ABLIM2: variants seen among roughly 807,000 people sequenced by gnomAD.
ABLIM2 encodes the protein actin binding LIM protein family member 2.
A neutral mutation model predicts 97.7 loss-of-function variants in ABLIM2; 53 were observed. The ratio of observed to expected loss-of-function variants is 0.54; its 90% CI spans 0.44 to 0.68. The LOEUF (loss-of-function observed/expected upper bound fraction) is 0.68. ABLIM2 is among the 30% of genes least tolerant of loss of function. The probability of loss-of-function intolerance (pLI) is 0.00; values close to 1 mark genes in which losing one functional copy is unlikely to be tolerated. For missense variants in ABLIM2, 835 were observed against 867.2 expected, an observed-to-expected ratio of 0.96 and a Z score of 0.47; for synonymous variants, 361 against 345.8, an observed-to-expected ratio of 1.04 and a Z score of -0.49.
intron 20 of ABLIM2, among the ~76,000 whole-genome samples, chr4:7,980,983 G>A (rs997210346): frequency 9.6e-5 from 9 of 94,018 alleles, no homozygotes; most frequent in Non-Finnish European, 1.7e-4. Flanking sequence ...TTGCTCTGTC[G>A]CCCAGGCCGG....
chr4:8,109,080 G>A (rs1163946785), intron 1 of ABLIM2, among the ~76,000 whole-genome samples: 4 of 152,250 alleles, frequency 2.6e-5, no homozygotes, highest in Non-Finnish European at 4.4e-5. Flanking sequence ...AGCTCATCCC[G>A]TGGAAGGAAG....
chr4:8,152,772 C>A (rs1462541436), intron 1 of ABLIM2, among the ~76,000 whole-genome samples: 1 of 152,194 alleles, frequency 6.6e-6, no homozygotes, highest in South Asian at 2.1e-4. Flanking sequence ...ATTTTAACAA[C>A]CTCTGTGAGC....
At chr4:8,008,308 C>A in intron 15 of ABLIM2, 108 bp from the exon 16 acceptor site, 1 of 1,105,194 alleles carries the variant, frequency 9.0e-7, no homozygotes, top group Non-Finnish European at 1.3e-6. Flanking sequence ...ACGAGCTGAC[C>A]CCACTGTGAG....
chr4:7,988,896 A>T (rs927190458), intron 17 of ABLIM2, among the ~76,000 whole-genome samples: 6 of 152,190 alleles, frequency 3.9e-5, no homozygotes, highest in African/African-American at 1.4e-4. Context: ...AAACTTTTAA[A>T]ATTTGTTAAT....
intron 14 of ABLIM2, among the ~76,000 whole-genome samples, chr4:8,014,484 A>ATG (rs143407302): frequency 3.4e-4 from 52 of 151,724 alleles, no homozygotes; most frequent in Admixed American, 2.2e-3. Context: ...GAGGGAGAGA[A>ATG]TGTGTGTGTG....
intron 11 of ABLIM2, among the ~76,000 whole-genome samples, chr4:8,028,494 C>T (rs1778865916): frequency 6.6e-6 from 1 of 152,150 alleles, no homozygotes; most frequent in Non-Finnish European, 1.5e-5. Context: ...CCCTTATTTG[C>T]TCATTCATTC....
chr4:8,071,718 G>T lies in ABLIM2; in HGVS notation c.675+5910C>A. On this transcript the variant is annotated intron_variant, in intron 6 of 20. Transcript: ENST00000447017. The surrounding 1 kb of genome is among the most constrained non-coding windows in gnomAD (Gnocchi z 6.2). ...ACCCACCCACCCGCAGCCCCTCCTG[G>T]CCCCTGTGAGCCCCCATCAGCCCCT... The T allele has an allele frequency of 1.0e-6, 1 of 981,050 alleles. No homozygotes were observed. The highest frequency in any genetic ancestry group is 4.7e-5 in the South Asian group (1 of 21,182). 60.8% of individuals were successfully genotyped at this position (981,050 alleles called of 1,614,324 possible). A position where few individuals can be genotyped will look rare whatever the true frequency, so the allele number is the denominator to read the frequency against.
rs144146532 is a variant in ABLIM2 at position 8,151,898 on chromosome 4, G to T, written c.10+6782C>A. The stretch of plus-strand genomic sequence containing the variant: ...GGAGCAGAGGGTCAGGGTTCCAGGG[G>T]GGCACATGGGCTCAATGTGGTGAAA... On this transcript the variant is annotated intron_variant, in intron 1 of 20. Coordinates refer to ENST00000447017, the MANE Select transcript of ABLIM2 (RefSeq NM_001130083.2). Among the ~76,000 whole-genome samples the T allele has an allele frequency of 7.9e-4, 120 of 152,028 alleles. 1 individual carries two copies. The highest frequency in any genetic ancestry group is 2.7e-3 in the African/African-American group (112 of 41,456).
intron 9 of ABLIM2, among the ~76,000 whole-genome samples, chr4:8,041,924 G>C (rs577859802): frequency 6.6e-6 from 1 of 150,390 alleles, no homozygotes; most frequent in South Asian, 2.1e-4. Context: ...AAAAAAAAGA[G>C]CTCATATTTA....
At position 8,083,255 on chromosome 4, in the gene ABLIM2, C is replaced by T. The variant is rs947809737; in HGVS notation, c.455-2453G>A. On this transcript the variant is annotated intron_variant, in intron 4 of 20. Transcript: ENST00000447017. The surrounding 1 kb of genome is among the most constrained non-coding windows in gnomAD (Gnocchi z 4.6). ...GTCAGATCCCAGCAATGCCCCCCACCGGCTGTGACCTGGGGAAGTCACTTC... is the reference window on the plus strand; with the variant it reads ...GTCAGATCCCAGCAATGCCCCCCACTGGCTGTGACCTGGGGAAGTCACTTC... Among the ~76,000 whole-genome samples, 8 of 152,308 alleles carry T rather than the reference C, an allele frequency of 5.3e-5. No homozygotes were observed. The highest frequency in any genetic ancestry group is 2.0e-4 in the Admixed American group (3 of 15,304).
At chr4:7,991,693 C>T (rs1213951662) in intron 17 of ABLIM2, among the ~76,000 whole-genome samples, 1 of 152,194 alleles carries the variant, frequency 6.6e-6, no homozygotes, top group Admixed American at 6.5e-5. Flanking sequence ...ATGGGAAGAG[C>T]AGTTCGTGGG....
chr4:8,066,095 A>T (rs908142262), intron 6 of ABLIM2, among the ~76,000 whole-genome samples: 1 of 150,300 alleles, frequency 6.7e-6, no homozygotes, highest in African/African-American at 2.4e-5. Flanking sequence ...AGGTCAGGAG[A>T]TGGAGACCAT....
chr4:7,985,236 G>A (rs996532358), intron 17 of ABLIM2, among the ~76,000 whole-genome samples: 1 of 152,208 alleles, frequency 6.6e-6, no homozygotes, highest in African/African-American at 2.4e-5. Flanking sequence ...TGGCACAGAC[G>A]ACCACTGGGG....
chr4:8,017,848 G>A (rs1002022897), intron 14 of ABLIM2, among the ~76,000 whole-genome samples: 20 of 152,062 alleles, frequency 1.3e-4, no homozygotes, highest in African/African-American at 4.8e-4. Context: ...AAAAAAATTA[G>A]CTGGCACGAT....
intron 11 of ABLIM2, among the ~76,000 whole-genome samples, chr4:8,028,338 G>A (rs1778752213): frequency 6.6e-6 from 1 of 152,236 alleles, no homozygotes; most frequent in Non-Finnish European, 1.5e-5. Flanking sequence ...CTTAGGACGA[G>A]GAGCTCAATA....
chr4:8,013,225 T>C (rs1766299256), intron 14 of ABLIM2, among the ~76,000 whole-genome samples: 1 of 145,386 alleles, frequency 6.9e-6, no homozygotes, highest in Admixed American at 6.8e-5. Context: ...TTTCCTTTTT[T>C]TTTTTTTTTT....
At chr4:8,050,908 A>G (rs1429837179) in intron 8 of ABLIM2, among the ~76,000 whole-genome samples, 1 of 152,246 alleles carries the variant, frequency 6.6e-6, no homozygotes, top group Admixed American at 6.5e-5. Context: ...AACTGCTTCA[A>G]AAGCAACTTC....
At chr4:8,108,160 G>A (rs1391384380) in intron 1 of ABLIM2, among the ~76,000 whole-genome samples, 1 of 152,238 alleles carries the variant, frequency 6.6e-6, no homozygotes, top group East Asian at 1.9e-4. Flanking sequence ...TAATGCAGTG[G>A]TCAACCTGTC....
chr4:8,069,014 G>C lies in ABLIM2; in HGVS notation c.676-7960C>G, dbSNP rs1370570566. Among the ~76,000 whole-genome samples the C allele has an allele frequency of 6.6e-6, 1 of 152,276 alleles. No homozygotes were observed. Among genetic ancestry groups the C allele is most frequent in the East Asian group, 1.9e-4 (1 of 5,202 alleles). Reference sequence around the variant, plus strand: ...AGAAAGAAGGGCCCCACTCTGAGCAGTGCCCAGCAAGGCCCCTTGAGATCT... The same window carrying C: ...AGAAAGAAGGGCCCCACTCTGAGCACTGCCCAGCAAGGCCCCTTGAGATCT... On this transcript the variant is annotated intron_variant, in intron 6 of 20. Coordinates refer to ENST00000447017, the MANE Select transcript of ABLIM2 (RefSeq NM_001130083.2). This position sits in a 1 kb window ranked among gnomAD's most constrained non-coding sequence, Gnocchi z 4.2.
Sources: gnomAD v4.1 joint callset for allele counts (sites outside exome capture counted in the v4.1 genomes callset) on GRCh38, gnomAD v4.1.1 for gene constraint, Gnocchi (gnomAD v3.1) non-coding constraint, MANE v1.5 for transcripts, NCBI Gene and HGNC (gene_info 2026-07-23, HGNC 2026-07-21) for gene names.